FMN1: variants seen among roughly 807,000 people sequenced by gnomAD.
FMN1 encodes formin-1.
In FMN1, 110 loss-of-function variants were observed where a neutral mutation model predicts 132.4. The ratio of observed to expected loss-of-function variants is 0.83; its 90% CI spans 0.71 to 0.97. FMN1 has a LOEUF of 0.97. FMN1 is among the 50% of genes least tolerant of loss of function. The probability of loss-of-function intolerance (pLI) is 0.00; values close to 1 mark genes in which losing one functional copy is unlikely to be tolerated. For missense variants in FMN1, 1,792 were observed against 1,705.3 expected (o/e 1.05, Z -0.90); for synonymous variants, 722 against 651.7 (o/e 1.11, Z -1.64).
intron 3 of FMN1, among the ~76,000 whole-genome samples, chr15:33,162,688 T>C (rs1439655669): frequency 6.6e-6 from 1 of 152,180 alleles, no homozygotes; most frequent in Non-Finnish European, 1.5e-5. Context: ...AGCAGTATGT[T>C]CAGCACTACT....
At chr15:32,991,418 C>T (rs1435496457) in intron 7 of FMN1, among the ~76,000 whole-genome samples, 1 of 152,116 alleles carries the variant, frequency 6.6e-6, no homozygotes, top group Non-Finnish European at 1.5e-5. Context: ...AGTAACTTGA[C>T]AAATATTACC....
chr15:32,968,590 TTCACTG>T, intron 8 of FMN1, 118 bp downstream of exon 8: 2 of 1,390,680 alleles, frequency 1.4e-6, no homozygotes, highest in Non-Finnish European at 1.9e-6. Context: ...TATCCAAGCA[TTCACTG>T]TATCACACTT....
rs117660783 is a variant in FMN1 at position 32,854,989 on chromosome 15, T to A, written c.3928+2026A>T. Among the ~76,000 whole-genome samples the A allele has an allele frequency of 5.9e-4, 90 of 151,486 alleles. 2 individuals carry two copies. The East Asian group carries it at 0.017, about 28-fold the overall frequency. ...TATAGATCTTTTCCCATTAAGATAT[T>A]CCTTGGGACAGAGTGTAGGAGTATA... On this transcript the variant is annotated intron_variant, in intron 17 of 20. Transcript: ENST00000616417.
intron 4 of FMN1, among the ~76,000 whole-genome samples, chr15:33,148,520 A>G (rs1436138341): frequency 1.3e-5 from 2 of 152,130 alleles, no homozygotes; most frequent in Admixed American, 6.5e-5. Context: ...TGGTTGGTTC[A>G]GTTAGAGGAG....
intron 5 of FMN1, among the ~76,000 whole-genome samples, chr15:33,085,402 T>C (rs958831451): frequency 8.5e-5 from 13 of 152,064 alleles, no homozygotes; most frequent in Admixed American, 3.9e-4. Context: ...ATAAAAACTG[T>C]TGATTCAGAA....
At chr15:33,023,378 C>T (rs2035515361) in intron 6 of FMN1, among the ~76,000 whole-genome samples, 1 of 151,940 alleles carries the variant, frequency 6.6e-6, no homozygotes, top group African/African-American at 2.4e-5. Context: ...ATGACATCAC[C>T]CAATGCAAAT....
At chr15:32,793,797 G>A (rs2057176523) in intron 19 of FMN1, among the ~76,000 whole-genome samples, 1 of 152,142 alleles carries the variant, frequency 6.6e-6, no homozygotes, top group Non-Finnish European at 1.5e-5. Context: ...CACAGGGCAA[G>A]GAAAAGAAAG....
intron 20 of FMN1, among the ~76,000 whole-genome samples, 157 bp from the exon 21 acceptor site, chr15:32,774,511 A>G (rs942663283): frequency 6.6e-6 from 1 of 151,330 alleles, no homozygotes; most frequent in Non-Finnish European, 1.5e-5. Flanking sequence ...GCTCTTAGTT[A>G]TCTGCCCCTC....
At position 32,772,576 on chromosome 15, in the gene FMN1, G is replaced by GC. The variant is rs2056284604; in HGVS notation, c.*1733dup. On this transcript the variant is annotated 3_prime_UTR_variant, in exon 21 of 21. Coordinates refer to ENST00000616417, the MANE Select transcript of FMN1 (RefSeq NM_001277313.2). Reference sequence around the variant, plus strand: ...AGCAACTTCAAGCCTTTTTAGTCATGCATGTTCCTTCTCGGCTTTTCTGTT... The same window carrying GC: ...AGCAACTTCAAGCCTTTTTAGTCATGCCATGTTCCTTCTCGGCTTTTCTGTT... 1 of 152,200 alleles carries GC rather than the reference G, an allele frequency of 6.6e-6. No individual in the cohort carries two copies. The highest frequency in any genetic ancestry group is 6.5e-5 in the Admixed American group (1 of 15,280). The allele number at this position is 152,200 out of a possible 1,614,324, so 9.4% of individuals were successfully genotyped here. A position where few individuals can be genotyped will look rare whatever the true frequency, so the allele number is the denominator to read the frequency against.
intron 5 of FMN1, among the ~76,000 whole-genome samples, chr15:33,079,919 T>G (rs1175186808): frequency 6.6e-6 from 1 of 152,218 alleles, no homozygotes; most frequent in African/African-American, 2.4e-5. Flanking sequence ...TTCATCCCTT[T>G]GAATTGTTCT....
rs761254479 is a variant in FMN1 at position 32,969,172 on chromosome 15, G to A, written c.2529C>T (p.Pro843=). 1.2e-6 allele frequency: 2 copies of A among 1,613,908 alleles called. No homozygotes were observed. Among genetic ancestry groups the A allele is most frequent in the South Asian group, 2.2e-5 (2 of 91,072 alleles). The change falls in exon 8 of 21, where the codon CCC becomes CCT. Residue 843 remains proline (P), a synonymous_variant. Transcript: ENST00000616417. ...LNISSLSQLS[P]PNDHKDIHAA... ...CATGGATGTCTTTGTGGTCATTTGG[G>A]GGTGAGAGCTGGCTTAAAGAGGAGA...
rs542431151 is a variant in FMN1, at chr15:32,783,669, G to C, written c.4131-6750C>G. ...GAGGCAGGAGAATGGCGTGAACCCGGGGTCGGGGGAGCTTGCAGTGAGCTG... is the reference window on the plus strand; with the variant it reads ...GAGGCAGGAGAATGGCGTGAACCCGCGGTCGGGGGAGCTTGCAGTGAGCTG... On this transcript the variant is annotated intron_variant, in intron 19 of 20. Coordinates refer to ENST00000616417, the MANE Select transcript of FMN1 (RefSeq NM_001277313.2). Among the ~76,000 whole-genome samples the C allele has an allele frequency of 1.0e-3, 155 of 148,300 alleles. 2 individuals carry two copies. Among genetic ancestry groups the C allele is most frequent in the African/African-American group, 3.6e-3 (145 of 40,412 alleles).
In FMN1 at chr15:33,056,648, C is replaced by T. The variant is rs114282612; in HGVS notation, c.2161+8309G>A. 2.0e-3 allele frequency among the ~76,000 whole-genome samples: 301 copies of T among 152,258 alleles called. 2 individuals are homozygous for T. The highest frequency in any genetic ancestry group is 6.9e-3 in the African/African-American group (288 of 41,540). ...AACTTAAAATACATAAAGAGGCAGC[C>T]TTAGGCTTAACTTGATTTAGCACTG... On this transcript the variant is annotated intron_variant, in intron 6 of 20. Coordinates refer to ENST00000616417, the MANE Select transcript of FMN1 (RefSeq NM_001277313.2).
In FMN1 at chr15:33,154,357, T is replaced by C; in HGVS notation, c.558A>G (p.Glu186=). 6.5e-7 allele frequency: 1 copy of C among 1,536,152 alleles called. No homozygotes were observed. The highest frequency in any genetic ancestry group is 8.7e-7 in the Non-Finnish European group (1 of 1,146,918). The change falls in exon 4 of 21, where the codon GAA becomes GAG. Residue 186 remains glutamate, a synonymous_variant. Transcript: ENST00000616417. The part of the protein sequence containing the change: ...RTKRKGRGGR[E]SAPLMGKDKI... The stretch of plus-strand genomic sequence containing the variant: ...TGTCCTTGCCCATCAGAGGAGCTGA[T>C]TCTCGGCCTCCACGCCCTTTTCTTT...
At chr15:32,938,205 A>G (rs768489677) in intron 9 of FMN1, among the ~76,000 whole-genome samples, 4 of 152,028 alleles carry the variant, frequency 2.6e-5, no homozygotes, top group Non-Finnish European at 4.4e-5. Flanking sequence ...TCATTTAAGT[A>G]TTCCCCTACT....
chr15:32,930,896 A>G (rs1267036075), intron 9 of FMN1, among the ~76,000 whole-genome samples: 1 of 152,054 alleles, frequency 6.6e-6, no homozygotes, highest in Non-Finnish European at 1.5e-5. Context: ...GTCCAATTTC[A>G]TTCTTTTGTG....
intron 9 of FMN1, among the ~76,000 whole-genome samples, chr15:32,957,359 A>C (rs1250577661): frequency 3.6e-5 from 5 of 138,238 alleles, no homozygotes; most frequent in African/African-American, 1.4e-4. Context: ...CAGACAATGA[A>C]GGTGGATTTC....
intron 9 of FMN1, among the ~76,000 whole-genome samples, chr15:32,947,004 T>TTA (rs963921823): frequency 6.6e-6 from 1 of 152,198 alleles, no homozygotes; most frequent in Non-Finnish European, 1.5e-5. Flanking sequence ...GCCTATCTTT[T>TTA]TATACTCTTC....
chr15:33,030,742 C>A (rs933948345), intron 6 of FMN1, among the ~76,000 whole-genome samples: 1 of 152,070 alleles, frequency 6.6e-6, no homozygotes, highest in Admixed American at 6.5e-5. Flanking sequence ...TAAAACACAT[C>A]CTAATTTCAG....
Sources: gnomAD v4.1 joint callset for allele counts (sites outside exome capture counted in the v4.1 genomes callset) on GRCh38, gnomAD v4.1.1 for gene constraint, MANE v1.5 for transcripts, NCBI Gene and HGNC (gene_info 2026-07-23, HGNC 2026-07-21) for gene names.